The following KALRN variants were observed in gnomAD, a reference collection of about 807,000 sequenced individuals.
KALRN encodes kalirin.
KALRN carries 70 observed loss-of-function variants against 353.7 expected under a neutral mutation model. The observed-to-expected ratio is 0.20, with a 90% CI of 0.16 to 0.24. KALRN has a LOEUF of 0.24. KALRN is among the 10% of genes least tolerant of loss of function. The probability of loss-of-function intolerance (pLI) is 1.00; values close to 1 mark genes in which losing one functional copy is unlikely to be tolerated. For missense variants in KALRN, 2,791 were observed against 3,756.7 expected, an observed-to-expected ratio of 0.74 and a Z score of 6.72; for synonymous variants, 1,391 against 1,434.8, an observed-to-expected ratio of 0.97 and a Z score of 0.69.
In KALRN at chr3:124,084,149, G is replaced by A. The variant is rs973104525; in HGVS notation, c.73+50336G>A. Among the ~76,000 whole-genome samples the A allele has an allele frequency of 8.5e-5, 13 of 152,316 alleles. 1 individual carries two copies. Among genetic ancestry groups the A allele is most frequent in the Middle Eastern group, 3.4e-3 (1 of 292 alleles). On this transcript the variant is annotated intron_variant, in intron 1 of 59. Coordinates refer to ENST00000682506, the MANE Select transcript of KALRN (RefSeq NM_001388419.1). Reference sequence around the variant, plus strand: ...TGCTCCGCCACTGTGTGTGGTTGTTGGAGCTACAGGCTGTGAGGAAGAATA... The same window carrying A: ...TGCTCCGCCACTGTGTGTGGTTGTTAGAGCTACAGGCTGTGAGGAAGAATA...
At position 124,422,804 on chromosome 3, in the gene KALRN, A is replaced by T. The variant is rs773255374; in HGVS notation, c.2543-8A>T. The T allele has an allele frequency of 1.2e-5, 20 of 1,609,590 alleles. No homozygotes were observed. The highest frequency in any genetic ancestry group is 4.4e-5 in the South Asian group (4 of 90,802). On this transcript the variant is annotated splice_region_variant and splice_polypyrimidine_tract_variant and intron_variant, in intron 14 of 59. Coordinates refer to ENST00000682506, the MANE Select transcript of KALRN (RefSeq NM_001388419.1). Reference sequence around the variant, plus strand: ...GGTTTTTAATTGTTTCCATTTTTTTAAAATCAGGAATTGAGTTGATCTGTG... The same window carrying T: ...GGTTTTTAATTGTTTCCATTTTTTTTAAATCAGGAATTGAGTTGATCTGTG...
At chr3:124,383,120 C>T (rs888634359) in intron 10 of KALRN, among the ~76,000 whole-genome samples, 3 of 152,138 alleles carry the variant, frequency 2.0e-5, no homozygotes, top group South Asian at 2.1e-4. Context: ...AGCATTGGAA[C>T]GATGTTTACC....
Position 124,395,582 on chromosome 3 carries a change from CAGTA to C in KALRN, c.2171+245_2171+248del. ...ATCATTCAGGATGTTATTCAGCCAT[CAGTA>C]AGTAACATAAATACAACAAAAATTA... is the stretch of plus-strand genomic sequence containing the variant. On this transcript the variant is annotated intron_variant, in intron 12 of 59. Transcript: ENST00000682506. 6 of 487,008 alleles carry C rather than the reference CAGTA, an allele frequency of 1.2e-5. No individual in the cohort carries two copies. The South Asian group carries it at 2.1e-4, about 17-fold the overall frequency. The allele number at this position is 487,008 out of a possible 1,614,324, so 30.2% of individuals were successfully genotyped here.
intron 34 of KALRN, among the ~76,000 whole-genome samples, chr3:124,628,191 T>C (rs1339459888): frequency 3.7e-5 from 1 of 26,716 alleles, no homozygotes; most frequent in Non-Finnish European, 5.9e-5. Context: ...CCTCCTTCAT[T>C]CCCTCCCTCC....
chr3:124,545,463 T>C (rs966505896), intron 33 of KALRN, among the ~76,000 whole-genome samples: 14 of 151,680 alleles, frequency 9.2e-5, no homozygotes, highest in Admixed American at 3.9e-4. Context: ...AAATCTTATA[T>C]GCTGAGATTT....
At chr3:124,681,817 A>T (rs2087809060) in intron 51 of KALRN, among the ~76,000 whole-genome samples, 1 of 151,812 alleles carries the variant, frequency 6.6e-6, no homozygotes, top group African/African-American at 2.4e-5. Flanking sequence ...TTTGGTAGAG[A>T]CAGGGCTTCA....
rs189801229 is a variant in KALRN at position 124,211,820 on chromosome 3, C to T, written c.74-16170C>T. Among the ~76,000 whole-genome samples the T allele has an allele frequency of 5.8e-3, 876 of 152,268 alleles. 4 individuals are homozygous for T. The highest frequency in any genetic ancestry group is 0.016 in the South Asian group (76 of 4,808). ...CAAGTGGAGAGGAGGCTACTTGCTT[C>T]CCCTTCTGTGGTACCTCTATTGACT... is the stretch of plus-strand genomic sequence containing the variant. On this transcript the variant is annotated intron_variant, in intron 1 of 59. Transcript: ENST00000682506.
intron 13 of KALRN, among the ~76,000 whole-genome samples, chr3:124,410,054 G>A (rs3821526): frequency 0.012 from 1,843 of 152,070 alleles, 31 homozygotes; most frequent in East Asian, 0.077. Context: ...AGTGGAGGAG[G>A]GTAAGGAGAG....
At chr3:124,152,529 C>CTTTTCT (rs1358155527) in intron 1 of KALRN, 13 of 698,932 alleles carry the variant, frequency 1.9e-5, no homozygotes, top group South Asian at 1.1e-4. Flanking sequence ...TGTTACAGTG[C>CTTTTCT]TTTTCTTTTT....
intron 1 of KALRN, among the ~76,000 whole-genome samples, chr3:124,128,578 A>G (rs903624958): frequency 1.3e-5 from 2 of 152,202 alleles, no homozygotes; most frequent in Non-Finnish European, 2.9e-5. Flanking sequence ...AATACAGGGA[A>G]GCAGGAAAAT....
chr3:124,605,593 A>G (rs1336101096), intron 34 of KALRN, among the ~76,000 whole-genome samples: 4 of 139,290 alleles, frequency 2.9e-5, no homozygotes, highest in Admixed American at 7.3e-5. Flanking sequence ...AAAAAGAGAG[A>G]GAGAGAATAG....
At chr3:124,458,275 C>CAA (rs35854921) in intron 23 of KALRN, among the ~76,000 whole-genome samples, 18,466 of 82,704 alleles carry the variant, frequency 0.22, 2,360 homozygotes, top group East Asian at 0.31. Flanking sequence ...GACTCTGTCT[C>CAA]AAAAAAAAAA....
chr3:124,190,978 G>A (rs1422259779), intron 1 of KALRN, among the ~76,000 whole-genome samples: 1 of 152,146 alleles, frequency 6.6e-6, no homozygotes, highest in Non-Finnish European at 1.5e-5. Context: ...CTAAAAATTG[G>A]GGTTCGCATG....
chr3:124,083,406 A>T (rs1375986664), intron 1 of KALRN, among the ~76,000 whole-genome samples: 2 of 152,160 alleles, frequency 1.3e-5, no homozygotes, highest in Non-Finnish European at 2.9e-5. Flanking sequence ...ATTAACACAG[A>T]TAGCTAGATG....
At chr3:124,444,573 G>A (rs1468595078) in intron 19 of KALRN, among the ~76,000 whole-genome samples, 1 of 151,928 alleles carries the variant, frequency 6.6e-6, no homozygotes. Context: ...CGAGGAAGGA[G>A]GATCACTTGA....
chr3:124,166,557 C>T (rs981732472), intron 1 of KALRN, among the ~76,000 whole-genome samples: 1 of 152,106 alleles, frequency 6.6e-6, no homozygotes, highest in African/African-American at 2.4e-5. Flanking sequence ...TTATGTCTCT[C>T]CCTAACTTAA....
At chr3:124,676,985 G>A (rs934928610) in intron 49 of KALRN, among the ~76,000 whole-genome samples, 2 of 152,198 alleles carry the variant, frequency 1.3e-5, no homozygotes, top group African/African-American at 4.8e-5. Flanking sequence ...TGCTCAGAAG[G>A]TTGAACCTGT....
chr3:124,495,978 T>TATGTATATATATATATATATATATAC (rs2063730252), intron 32 of KALRN, among the ~76,000 whole-genome samples: 1 of 26,520 alleles, frequency 3.8e-5, no homozygotes, highest in Non-Finnish European at 6.9e-5. Context: ...TATATATATA[T>TATGTATATATATATATATATATATAC]ATATATATAT....
intron 1 of KALRN, among the ~76,000 whole-genome samples, chr3:124,227,117 C>G (rs1191079639): frequency 6.6e-6 from 1 of 152,158 alleles, no homozygotes; most frequent in Non-Finnish European, 1.5e-5. Context: ...TCACACTGGG[C>G]TGGATTGTCC....
Sources: gnomAD v4.1 joint callset for allele counts (sites outside exome capture counted in the v4.1 genomes callset) on GRCh38, gnomAD v4.1.1 for gene constraint, MANE v1.5 for transcripts, NCBI Gene and HGNC (gene_info 2026-07-23, HGNC 2026-07-21) for gene names.